Variants in DNM2 observed in about 807,000 individuals in gnomAD.
The protein encoded by DNM2 is dynamin 2.
DNM2 carries 15 observed loss-of-function variants against 99.0 expected under a neutral mutation model. The ratio of observed to expected loss-of-function variants is 0.15; its 90% confidence interval spans 0.10 to 0.23. DNM2 has a LOEUF of 0.23. Ranked by LOEUF, DNM2 falls within the 10% of genes least tolerant of loss-of-function variation. The pLI is 1.00. For synonymous variants in DNM2, 525 were observed against 481.2 expected (o/e 1.09, Z -1.19); for missense variants, 742 against 1,189.4 (o/e 0.62, Z 5.53).
At chr19:10,784,099 C>T (rs539985461) in intron 6 of DNM2, among the ~76,000 whole-genome samples, 18 of 152,214 alleles carry the variant, frequency 1.2e-4, no homozygotes, top group African/African-American at 3.9e-4. Context: ...AGGGGCAAGA[C>T]GCTCCTCCTC....
At chr19:10,732,039 C>A (rs1371724009) in intron 1 of DNM2, among the ~76,000 whole-genome samples, 2 of 150,716 alleles carry the variant, frequency 1.3e-5, no homozygotes, top group African/African-American at 4.9e-5. Flanking sequence ...GCTGCAACCT[C>A]CGCCTCCCAG....
chr19:10,792,579 TTGTTTACC>T (rs1382946113), intron 7 of DNM2, among the ~76,000 whole-genome samples: 6 of 152,144 alleles, frequency 3.9e-5, no homozygotes, highest in Non-Finnish European at 7.4e-5. Context: ...AGATGAGCAA[TTGTTTACC>T]AACAAAAATT....
At chr19:10,721,026 CA>C (rs2068921174) in intron 1 of DNM2, among the ~76,000 whole-genome samples, 1 of 152,070 alleles carries the variant, frequency 6.6e-6, no homozygotes, top group Non-Finnish European at 1.5e-5. Context: ...GTCTCTCTCC[CA>C]TCCTTACCTC....
rs145478270 is a variant in DNM2 at position 10,777,171 on chromosome 19, G to A, written c.643G>A (p.Asp215Asn). ...TKLDLMDEGT[D>N]ARDVLENKLL... is the part of the protein sequence containing the mutation. ...GCTTGACCTGATGGACGAGGGCACC[G>A]ACGCCAGGGACGTCTTGGAGAACAA... Residue 215 changes from aspartate (D) to asparagine (N), a missense_variant, in exon 5 of 21, where the codon GAC becomes AAC. By Grantham distance (23) the Asp-to-Asn change is conservative. Coordinates refer to ENST00000389253, the MANE Select transcript of DNM2 (RefSeq NM_001005361.3). 8.4e-4 allele frequency: 1,359 copies of A among 1,614,186 alleles called. 7 individuals are homozygous for A. The highest frequency in any genetic ancestry group is 1.7e-3 in the Middle Eastern group (10 of 6,060).
Position 10,775,744 on chromosome 19 carries a change from G to A in DNM2, c.427G>A (p.Val143Met). 6.2e-7 allele frequency: 1 copy of A among 1,614,086 alleles called. No individual in the cohort carries two copies. Residue 143 changes from valine to methionine, a missense_variant, in exon 4 of 21, where the codon GTG (valine) becomes ATG (methionine). Physicochemically the swap from Val to Met is conservative, Grantham distance 21. Coordinates refer to ENST00000389253, the MANE Select transcript of DNM2 (RefSeq NM_001005361.3). This position sits in a 1 kb window ranked among gnomAD's most constrained non-coding sequence, Gnocchi z 4.3. ...CATCGACCTCCCGGGTATCACCAAG[G>A]TGCCTGTGGGCGACCAGCCTCCAGA... is the stretch of plus-strand genomic sequence containing the variant. ...TLIDLPGITK[V>M]PVGDQPPDIE...
At chr19:10,807,757 C>T (rs1209094783) in intron 13 of DNM2, among the ~76,000 whole-genome samples, 2 of 146,930 alleles carry the variant, frequency 1.4e-5, no homozygotes, top group African/African-American at 5.0e-5. Flanking sequence ...CCATGTTGGC[C>T]AGGCTGGTCT....
chr19:10,745,634 C>T (rs749830176), intron 1 of DNM2, among the ~76,000 whole-genome samples: 1 of 152,162 alleles, frequency 6.6e-6, no homozygotes, highest in Non-Finnish European at 1.5e-5. Flanking sequence ...GAGTTTGAGG[C>T]TGCAGTCAGC....
rs1490615783 is a variant in DNM2 at position 10,811,657 on chromosome 19, G to T, written c.1558-607G>T. On this transcript the variant is annotated intron_variant, in intron 14 of 20. Coordinates refer to ENST00000389253, the MANE Select transcript of DNM2 (RefSeq NM_001005361.3). This position sits in a 1 kb window ranked among gnomAD's most constrained non-coding sequence, Gnocchi z 5.4. ...GAGCACAGCCCCCAGGCTGCCTGCC[G>T]TTAGTTGTCAGGTGAGTCCCTGCGC... 2.0e-6 allele frequency: 1 copy of T among 505,598 alleles called. No individual in the cohort carries two copies. The highest frequency in any genetic ancestry group is 3.9e-6 in the Non-Finnish European group (1 of 254,048). The allele number at this position is 505,598 out of a possible 1,614,324, so 31.3% of individuals were successfully genotyped here.
chr19:10,762,085 A>C (rs952632381), intron 2 of DNM2, among the ~76,000 whole-genome samples: 2 of 152,124 alleles, frequency 1.3e-5, no homozygotes, highest in Admixed American at 6.5e-5. Context: ...CTGCCACCCA[A>C]GCTGGAGTAC....
Position 10,786,646 on chromosome 19 carries a change from TGGA to T in DNM2, c.937_939del (p.Glu313del). 1 of 1,613,602 alleles carries T rather than the reference TGGA, an allele frequency of 6.2e-7. No individual in the cohort carries two copies. The highest frequency in any genetic ancestry group is 1.1e-5 in the South Asian group (1 of 91,054). On this transcript the variant is annotated inframe_deletion, in exon 7 of 21. Coordinates refer to ENST00000389253, the MANE Select transcript of DNM2 (RefSeq NM_001005361.3). ...CAGCTGCTGTCCCTGGAGAAGGAGG[TGGA>T]GGAGTACAAGAACTTTCGGCCCGAC...
chr19:10,793,935 C>CA, intron 8 of DNM2, 80 bp downstream of exon 8: 2 of 1,609,592 alleles, frequency 1.2e-6, no homozygotes, highest in South Asian at 2.2e-5. Context: ...TCCTCCCAGG[C>CA]AATAAGGTCT....
rs772236702 is a variant in DNM2 at position 10,796,208 on chromosome 19, C to T, written c.1196+769C>T. On this transcript the variant is annotated intron_variant, in intron 9 of 20. Coordinates refer to ENST00000389253, the MANE Select transcript of DNM2 (RefSeq NM_001005361.3). This position sits in a 1 kb window ranked among gnomAD's most constrained non-coding sequence, Gnocchi z 5.6. Reference sequence around the variant, plus strand: ...GGCAGTGTACCAGTAAGGTATTGCTCCCTCGGCAGGGTGACTCCTGACCTT... The same window carrying T: ...GGCAGTGTACCAGTAAGGTATTGCTTCCTCGGCAGGGTGACTCCTGACCTT... The T allele has an allele frequency of 1.2e-6, 2 of 1,613,930 alleles. No individual in the cohort carries two copies. Among genetic ancestry groups the T allele is most frequent in the Non-Finnish European group, 1.7e-6 (2 of 1,180,020 alleles).
At position 10,718,402 on chromosome 19, in the gene DNM2, C is replaced by G. The variant is rs1295054396; in HGVS notation, c.160C>G (p.Arg54Gly). The stretch of plus-strand genomic sequence containing the variant: ...CTCGGTGCTGGAGAACTTCGTGGGC[C>G]GGTGAGCGGGCGCGGCAGGGATCGC... ...KSSVLENFVGRDFLPRGSGIV... is the reference protein window; with the variant it reads ...KSSVLENFVGGDFLPRGSGIV... Residue 54 changes from arginine (R) to glycine (G), a missense_variant and splice_region_variant, in exon 1 of 21, where the codon CGG (arginine) becomes GGG (glycine). Arg to Gly is a moderately radical substitution (Grantham distance 125, BLOSUM62 -2). Around this residue, in one of 7 missense-constraint regions of DNM2, gnomAD observed 192 missense variants for 358.9 expected, o/e 0.54. Coordinates refer to ENST00000389253, the MANE Select transcript of DNM2 (RefSeq NM_001005361.3). The G allele has an allele frequency of 1.4e-6, 2 of 1,470,832 alleles. No individual in the cohort carries two copies. Among genetic ancestry groups the G allele is most frequent in the Admixed American group, 4.7e-5 (2 of 43,006 alleles). 91.1% of individuals were successfully genotyped at this position (1,470,832 alleles called of 1,614,324 possible).
chr19:10,753,791 G>A (rs754498688), intron 1 of DNM2, among the ~76,000 whole-genome samples: 1 of 151,580 alleles, frequency 6.6e-6, no homozygotes, highest in Non-Finnish European at 1.5e-5. Flanking sequence ...TGAGTAGCTG[G>A]CATTAAAGGC....
chr19:10,811,186 C>A lies in DNM2; in HGVS notation c.1558-1078C>A. The A allele has an allele frequency of 5.6e-6, 1 of 177,048 alleles. No homozygotes were observed. The highest frequency in any genetic ancestry group is 1.2e-5 in the Non-Finnish European group (1 of 82,374). 11.0% of individuals were successfully genotyped at this position (177,048 alleles called of 1,614,324 possible). ...CATGGTCCAGGGGTCCCTGGGTACT[C>A]TTTAGCCACCTCCGTCTTCATGGCC... is the stretch of plus-strand genomic sequence containing the variant. On this transcript the variant is annotated intron_variant, in intron 14 of 20. Coordinates refer to ENST00000389253, the MANE Select transcript of DNM2 (RefSeq NM_001005361.3). The surrounding 1 kb of genome is among the most constrained non-coding windows in gnomAD (Gnocchi z 5.4).
Position 10,772,407 on chromosome 19 carries a change from T to G in DNM2, c.236-72T>G. 1 of 1,596,246 alleles carries G rather than the reference T, an allele frequency of 6.3e-7. No homozygotes were observed. Among genetic ancestry groups the G allele is most frequent in the East Asian group, 2.2e-5 (1 of 44,754 alleles). On this transcript the variant is annotated intron_variant, in intron 2 of 20. Transcript: ENST00000389253. This position sits in a 1 kb window ranked among gnomAD's most constrained non-coding sequence, Gnocchi z 4.9. Reference sequence around the variant, plus strand: ...GTCATTACTTTCATTCAACAAAGCATTTCTCCCCGCAGTCCATGCGCACCC... The same window carrying G: ...GTCATTACTTTCATTCAACAAAGCAGTTCTCCCCGCAGTCCATGCGCACCC...
intron 13 of DNM2, among the ~76,000 whole-genome samples, chr19:10,808,346 G>C (rs2146092416): frequency 6.6e-6 from 1 of 152,158 alleles, no homozygotes; most frequent in East Asian, 1.9e-4. Context: ...ATATGTTGTT[G>C]CTTTTTTGTT....
At chr19:10,721,514 G>C (rs61692159) in intron 1 of DNM2, among the ~76,000 whole-genome samples, 6,784 of 152,154 alleles carry the variant, frequency 0.045, 171 homozygotes, top group African/African-American at 0.069. Context: ...GCCTCTCTTT[G>C]GGTATGAGGG....
At chr19:10,783,772 C>G (rs921381548) in intron 6 of DNM2, among the ~76,000 whole-genome samples, 12 of 151,378 alleles carry the variant, frequency 7.9e-5, no homozygotes, top group African/African-American at 2.9e-4. Flanking sequence ...ATGATCTTGG[C>G]TCACTGCAAC....
Sources: allele counts gnomAD v4.1 joint callset (sites outside exome capture counted in the v4.1 genomes callset), GRCh38; gene constraint gnomAD v4.1.1; regional missense constraint gnomAD v4.1.1; non-coding constraint Gnocchi (gnomAD v3.1); transcripts MANE v1.5; gene names NCBI Gene and HGNC (gene_info 2026-07-23, HGNC 2026-07-21).